Variants in SLC2A9 observed in about 807,000 individuals in gnomAD.
The protein encoded by SLC2A9 is solute carrier family 2 member 9.
In SLC2A9, 39 loss-of-function variants were observed where a neutral mutation model predicts 50.6. The ratio of observed to expected loss-of-function variants is 0.77; its 90% confidence interval spans 0.60 to 1.01. The LOEUF (loss-of-function observed/expected upper bound fraction) is 1.01. SLC2A9 is among the 50% of genes least tolerant of loss of function. SLC2A9 has a pLI of 0.00. For missense variants in SLC2A9, 686 were observed against 677.6 expected, an observed-to-expected ratio of 1.01 and a Z score of -0.14; for synonymous variants, 324 against 276.9, an observed-to-expected ratio of 1.17 and a Z score of -1.69.
At chr4:9,944,403 T>C (rs1201983526) in intron 5 of SLC2A9, among the ~76,000 whole-genome samples, 1 of 152,212 alleles carries the variant, frequency 6.6e-6, no homozygotes, top group Non-Finnish European at 1.5e-5. Context: ...TTGCATGACT[T>C]ATTCCTGAAA....
intron 8 of SLC2A9, among the ~76,000 whole-genome samples, chr4:9,890,978 T>C (rs184617333): frequency 6.6e-6 from 1 of 152,286 alleles, no homozygotes; most frequent in East Asian, 1.9e-4. Flanking sequence ...TATGGTGGAC[T>C]CCTCCAACAG....
chr4:9,968,476 T>C (rs549650075), intron 5 of SLC2A9, among the ~76,000 whole-genome samples: 37 of 152,200 alleles, frequency 2.4e-4, no homozygotes, highest in Non-Finnish European at 4.9e-4. Context: ...AAAATGTTTG[T>C]CTCAAAGACC....
chr4:9,959,172 A>G (rs77579965), intron 5 of SLC2A9, among the ~76,000 whole-genome samples: 2,244 of 151,548 alleles, frequency 0.015, 66 homozygotes, highest in African/African-American at 0.051. Context: ...GTGGTTCGAG[A>G]TCAGCTTGGC....
At chr4:9,974,034 T>C (rs1047057847) in intron 5 of SLC2A9, among the ~76,000 whole-genome samples, 1 of 151,878 alleles carries the variant, frequency 6.6e-6, no homozygotes, top group Non-Finnish European at 1.5e-5. Context: ...CAAATCAATA[T>C]AGGTGATTCA....
At chr4:9,879,864 G>A (rs1217535199) in intron 10 of SLC2A9, 1 of 985,284 alleles carries the variant, frequency 1.0e-6, no homozygotes, top group African/African-American at 1.7e-5. Context: ...CCACTGCCTT[G>A]GGGTTATGCA....
intron 3 of SLC2A9, among the ~76,000 whole-genome samples, chr4:9,991,758 C>T (rs891246957): frequency 2.6e-5 from 4 of 152,148 alleles, no homozygotes; most frequent in Non-Finnish European, 5.9e-5. Context: ...ACAGGGAGCA[C>T]ACAGCGAGAA....
At chr4:9,857,732 T>C (rs1730955484) in intron 10 of SLC2A9, among the ~76,000 whole-genome samples, 1 of 152,242 alleles carries the variant, frequency 6.6e-6, no homozygotes, top group African/African-American at 2.4e-5. Flanking sequence ...ATGCACTCCA[T>C]GGCTGCCTGC....
intron 11 of SLC2A9, among the ~76,000 whole-genome samples, chr4:9,833,252 G>A (rs1196340768): frequency 1.3e-5 from 2 of 152,184 alleles, no homozygotes; most frequent in African/African-American, 2.4e-5. Context: ...CATGGCTCAT[G>A]GAGCCCCCAG....
At chr4:9,913,723 G>A (rs1560293122) in intron 7 of SLC2A9, among the ~76,000 whole-genome samples, 1 of 152,228 alleles carries the variant, frequency 6.6e-6, no homozygotes, top group Non-Finnish European at 1.5e-5. Context: ...CTCCACCCAA[G>A]GAGGGGCTTG....
chr4:9,810,376 C>A (rs2108987538), intron 3 of SLC2A9, among the ~76,000 whole-genome samples: 1 of 152,250 alleles, frequency 6.6e-6, no homozygotes, highest in South Asian at 2.1e-4. Context: ...GGGACAATAC[C>A]TAGAGGCAGG....
chr4:9,889,235 C>T (rs1273234894), intron 9 of SLC2A9, among the ~76,000 whole-genome samples: 1 of 152,006 alleles, frequency 6.6e-6, no homozygotes, highest in Non-Finnish European at 1.5e-5. Context: ...AGAAGCTAGC[C>T]AAGCACAGAA....
At chr4:9,775,024 G>T (rs904686265), downstream of SLC2A9, among the ~76,000 whole-genome samples, 1 of 152,140 alleles carries the variant, frequency 6.6e-6, no homozygotes, top group Non-Finnish European at 1.5e-5. Context: ...TGCACACCTC[G>T]GTGGACCACT....
chr4:9,822,522 T>A (rs1231474912), downstream of SLC2A9, among the ~76,000 whole-genome samples: 1 of 152,200 alleles, frequency 6.6e-6, no homozygotes, highest in East Asian at 1.9e-4. Context: ...TTGATTTGCA[T>A]TTGCGTACTA....
chr4:10,019,507 A>G (rs1301063340), intron 1 of SLC2A9, among the ~76,000 whole-genome samples: 3 of 152,174 alleles, frequency 2.0e-5, no homozygotes, highest in Non-Finnish European at 4.4e-5. Flanking sequence ...CAGTGCTGTT[A>G]TGTCCTGTAT....
chr4:9,979,089 AAC>A, intron 5 of SLC2A9, among the ~76,000 whole-genome samples: 1 of 152,118 alleles, frequency 6.6e-6, no homozygotes. Context: ...CATTCCCAGA[AAC>A]ACCAGTGTGA....
In SLC2A9 at chr4:10,001,230, T is replaced by C. The variant is rs1426136191; in HGVS notation, c.250-4289A>G. On this transcript the variant is annotated intron_variant, in intron 2 of 11. Coordinates refer to ENST00000264784, the MANE Select transcript of SLC2A9 (RefSeq NM_020041.3). ...TAGTACCTCAGAATGTGACCTTATT[T>C]GGAGACAATCTTTACAAAGCAAATA... Among the ~76,000 whole-genome samples the C allele has an allele frequency of 3.3e-5, 5 of 152,140 alleles. No individual in the cohort carries two copies. In the East Asian group the frequency reaches 9.6e-4, roughly 29 times the overall value.
chr4:9,876,155 T>C lies in SLC2A9; in HGVS notation c.1291+11412A>G, dbSNP rs188213035. ...CTGATGAAATCTTACTTCTTAGTGT[T>C]TATATTCTTCTGTTATGGAGAAATT... On this transcript the variant is annotated intron_variant, in intron 10 of 11. Transcript: ENST00000264784. Among the ~76,000 whole-genome samples the C allele has an allele frequency of 5.9e-4, 90 of 152,306 alleles. 3 individuals are homozygous for C. In the East Asian group the frequency reaches 0.013, roughly 22 times the overall value.
intron 1 of SLC2A9, chr4:10,028,983 C>G (rs1368951287): frequency 6.6e-6 from 1 of 152,302 alleles, no homozygotes; most frequent in African/African-American, 2.4e-5. Flanking sequence ...ACACCCAGTG[C>G]TCCCAGCACT....
chr4:10,012,021 T>C (rs1479979857), intron 2 of SLC2A9, among the ~76,000 whole-genome samples: 1 of 152,256 alleles, frequency 6.6e-6, no homozygotes, highest in East Asian at 1.9e-4. Context: ...AATAAAATGT[T>C]ATTGGCACAT....
Sources: gnomAD v4.1 joint callset for allele counts (sites outside exome capture counted in the v4.1 genomes callset) on GRCh38, gnomAD v4.1.1 for gene constraint, MANE v1.5 for transcripts, NCBI Gene and HGNC (gene_info 2026-07-23, HGNC 2026-07-21) for gene names.